PDK2: variants seen among roughly 807,000 people sequenced by gnomAD.
PDK2 encodes the protein pyruvate dehydrogenase kinase 2.
PDK2 carries 34 observed loss-of-function variants against 50.4 expected under a neutral mutation model. The observed-to-expected ratio is 0.68, with a 90% CI of 0.51 to 0.90. The LOEUF (loss-of-function observed/expected upper bound fraction) is 0.90. Among genes scored for constraint, PDK2 ranks in the 40% least tolerant of loss-of-function variants. The probability of loss-of-function intolerance (pLI) is 0.00; values close to 1 mark genes in which losing one functional copy is unlikely to be tolerated. For missense variants in PDK2, 377 were observed against 544.5 expected (o/e 0.69, Z 3.06); for synonymous variants, 232 against 216.0 (o/e 1.07, Z -0.65).
intron 1 of PDK2, chr17:50,095,842 A>G (rs1598205937): frequency 6.3e-6 from 7 of 1,104,528 alleles, no homozygotes; most frequent in Admixed American, 4.3e-5. Context: ...ATGTTACTGC[A>G]GGAAGGGAGT....
In PDK2 at chr17:50,110,385, T is replaced by C. The variant is rs188144834; in HGVS notation, c.*288T>C. ...CAGAGACATTTTCCCATGGCAGTCC[T>C]CCTCTCTGAGACCAGGGCTGTCACT... On this transcript the variant is annotated 3_prime_UTR_variant, in exon 11 of 11. Transcript: ENST00000503176. The C allele has an allele frequency of 3.2e-5, 9 of 279,048 alleles. No individual in the cohort carries two copies. Among genetic ancestry groups the C allele is most frequent in the East Asian group, 3.2e-4 (5 of 15,698 alleles). The allele number at this position is 279,048 out of a possible 1,614,324, so 17.3% of individuals were successfully genotyped here.
intron 4 of PDK2, 135 bp downstream of exon 4, chr17:50,106,204 C>G: frequency 6.8e-7 from 1 of 1,476,442 alleles, no homozygotes; most frequent in South Asian, 1.3e-5. Context: ...ACTCCAGTAA[C>G]TATGGAGTTA....
intron 2 of PDK2, among the ~76,000 whole-genome samples, chr17:50,102,095 C>T (rs981246076): frequency 1.3e-5 from 2 of 152,212 alleles, no homozygotes; most frequent in South Asian, 2.1e-4. Context: ...CAGCGCCACT[C>T]GTCCCCAATC....
chr17:50,104,955 T>C (rs1474501158), intron 2 of PDK2, among the ~76,000 whole-genome samples: 1 of 152,074 alleles, frequency 6.6e-6, no homozygotes, highest in Admixed American at 6.5e-5. Flanking sequence ...GGAGAAACAT[T>C]AGGAGCTGTT....
rs563501004 is a variant in PDK2, at chr17:50,106,160, T to G, written c.517+91T>G. 14 of 1,540,064 alleles carry G rather than the reference T, an allele frequency of 9.1e-6. No individual in the cohort carries two copies. In the East Asian group the frequency reaches 3.4e-4, roughly 38 times the overall value. On this transcript the variant is annotated intron_variant, in intron 4 of 10. Transcript: ENST00000503176. ...GCTGCTGAGGGGACCTAGACCACTC[T>G]TCAGAACCCCACAAAGGGAGTCTTT...
chr17:50,106,761 C>G (rs1012282885), intron 4 of PDK2, 33 bp from the exon 5 acceptor site: 3 of 1,586,194 alleles, frequency 1.9e-6, no homozygotes, highest in Non-Finnish European at 2.6e-6. Flanking sequence ...AGACTGCAGC[C>G]CAGCCAACAG....
At chr17:50,107,235 G>A (rs1184660228) in intron 6 of PDK2, 82 bp downstream of exon 6, 6 of 1,010,328 alleles carry the variant, frequency 5.9e-6, no homozygotes, top group Admixed American at 3.4e-5. Context: ...TCAGGAGATG[G>A]ACTGTTTTCT....
intron 2 of PDK2, among the ~76,000 whole-genome samples, chr17:50,099,661 C>T (rs1350190980): frequency 1.8e-4 from 28 of 152,164 alleles, no homozygotes; most frequent in Admixed American, 1.4e-3. Context: ...GGCGCGGTGG[C>T]GGGCACCTGT....
rs775243631 is a variant in PDK2, at chr17:50,105,901, G to A, written c.349G>A (p.Val117Ile). 271 of 1,613,408 alleles carry A rather than the reference G, an allele frequency of 1.7e-4. 5 individuals carry two copies. Among genetic ancestry groups the A allele is most frequent in the Non-Finnish European group, 1.5e-4 (177 of 1,179,782 alleles). Residue 117 changes from valine to isoleucine, a missense_variant, in exon 4 of 11, where the codon GTC becomes ATC. Physicochemically the swap from Val to Ile is conservative, Grantham distance 29 (BLOSUM62 3). Coordinates refer to ENST00000503176, the MANE Select transcript of PDK2 (RefSeq NM_002611.5). The part of the protein sequence containing the change: ...RTLSQFTDAL[V>I]TIRNRHNDVV... The stretch of plus-strand genomic sequence containing the variant: ...GCCCCACAGGTTCACTGACGCCCTG[G>A]TCACCATCCGGAACCGGCACAACGA...
intron 5 of PDK2, 59 bp downstream of exon 5, chr17:50,106,942 A>G: frequency 6.6e-7 from 1 of 1,518,856 alleles, no homozygotes; most frequent in Middle Eastern, 1.7e-4. Flanking sequence ...CTCCAAGCTT[A>G]CCTGGCCAGA....
In PDK2 at chr17:50,095,467, C is replaced by T; in HGVS notation, c.32C>T (p.Ala11Val). The change falls in exon 1 of 11, where the codon GCG (alanine) becomes GTG (valine). Residue 11 changes from alanine to valine, a missense_variant. By Grantham distance (64) the Ala-to-Val change is moderately conservative (BLOSUM62 0). Around this residue, in one of 3 missense-constraint regions of PDK2, gnomAD observed 100 missense variants for 115.5 expected, o/e 0.87. Coordinates refer to ENST00000503176, the MANE Select transcript of PDK2 (RefSeq NM_002611.5). ...TGGGTGTGGGCGCTGCTGAAGAATG[C>T]GTCCCTGGCAGGGGCGCCCAAGTAC... MRWVWALLKNASLAGAPKYIE... is the reference protein window; with the variant it reads MRWVWALLKNVSLAGAPKYIE... 6.2e-7 allele frequency: 1 copy of T among 1,604,248 alleles called. No individual in the cohort carries two copies. Among genetic ancestry groups the T allele is most frequent in the Admixed American group, 1.7e-5 (1 of 58,486 alleles).
intron 2 of PDK2, among the ~76,000 whole-genome samples, chr17:50,099,474 A>G (rs897959888): frequency 1.3e-5 from 2 of 152,242 alleles, no homozygotes; most frequent in Non-Finnish European, 2.9e-5. Context: ...ATGAAGTTAG[A>G]CAAGAGAGAA....
In PDK2 at chr17:50,108,228, T is replaced by G. The variant is rs1407279552; in HGVS notation, c.758T>G (p.Phe253Cys). Residue 253 changes from phenylalanine (F) to cysteine (C), a missense_variant, in exon 7 of 11, where the codon TTC (phenylalanine) becomes TGC (cysteine). Around this residue, in one of 3 missense-constraint regions of PDK2, gnomAD observed 214 missense variants for 294.0 expected, o/e 0.73. Coordinates refer to ENST00000503176, the MANE Select transcript of PDK2 (RefSeq NM_002611.5). ...SHLYHMLFEL[F>C]KNAMRATVES... Reference sequence around the variant, plus strand: ...CTCTACCACATGCTCTTTGAGCTCTTCAAGGTGAGGAGGCTGGGAGCCGGT... The same window carrying G: ...CTCTACCACATGCTCTTTGAGCTCTGCAAGGTGAGGAGGCTGGGAGCCGGT... 1.3e-6 allele frequency: 2 copies of G among 1,599,334 alleles called. No homozygotes were observed. The highest frequency in any genetic ancestry group is 1.7e-6 in the Non-Finnish European group (2 of 1,171,676).
chr17:50,099,200 C>T (rs936064237), intron 2 of PDK2, among the ~76,000 whole-genome samples: 1 of 152,100 alleles, frequency 6.6e-6, no homozygotes, highest in Admixed American at 6.5e-5. Flanking sequence ...GGCCCTCCTC[C>T]GGCTCTATCC....
rs114031177 is a variant in PDK2 at position 50,100,225 on chromosome 17, C to T, written c.260+2661C>T. 5.6e-3 allele frequency among the ~76,000 whole-genome samples: 860 copies of T among 152,296 alleles called. 3 individuals are homozygous for T. The highest frequency in any genetic ancestry group is 0.014 in the African/African-American group (577 of 41,546). ...TCATAGAAATGGAGTTTCTACTCAG[C>T]TGGGGAGAGGTTCTAGGCAGAGTCA... is the stretch of plus-strand genomic sequence containing the variant. On this transcript the variant is annotated intron_variant, in intron 2 of 10. Coordinates refer to ENST00000503176, the MANE Select transcript of PDK2 (RefSeq NM_002611.5).
upstream of PDK2, chr17:50,094,825 A>AT (rs1909848400): frequency 1.3e-5 from 2 of 152,430 alleles, no homozygotes; most frequent in East Asian, 3.9e-4. Flanking sequence ...CTGGTTCCGA[A>AT]TTTTGCAAAT....
At chr17:50,103,201 T>C (rs140682834) in intron 2 of PDK2, among the ~76,000 whole-genome samples, 332 of 152,256 alleles carry the variant, frequency 2.2e-3, no homozygotes, top group African/African-American at 7.7e-3. Flanking sequence ...TGATCTTTTC[T>C]GCTGTTGGGG....
intron 2 of PDK2, among the ~76,000 whole-genome samples, chr17:50,103,167 G>A (rs977387560): frequency 2.0e-5 from 3 of 152,198 alleles, no homozygotes; most frequent in Non-Finnish European, 4.4e-5. Context: ...TGGCAGGGAT[G>A]GTGATGGGGG....
intron 1 of PDK2, chr17:50,095,761 C>T: frequency 2.1e-6 from 3 of 1,401,372 alleles, no homozygotes; most frequent in South Asian, 1.6e-5. Context: ...GGGGCATTTA[C>T]AAGGACGGTC....
Sources: gnomAD v4.1 joint callset for allele counts (sites outside exome capture counted in the v4.1 genomes callset) on GRCh38, gnomAD v4.1.1 for gene constraint, gnomAD v4.1.1 regional missense constraint, MANE v1.5 for transcripts, NCBI Gene and HGNC (gene_info 2026-07-23, HGNC 2026-07-21) for gene names.